NCOR2: variants seen among roughly 807,000 people sequenced by gnomAD.
NCOR2 encodes nuclear receptor corepressor 2, also known as CTG repeat protein 26.
NCOR2 carries 81 observed loss-of-function variants against 262.9 expected under a neutral mutation model. The observed-to-expected ratio is 0.31, with a 90% CI of 0.26 to 0.37. The LOEUF (loss-of-function observed/expected upper bound fraction) is 0.37. Among genes scored for constraint, NCOR2 ranks in the 10% least tolerant of loss-of-function variants. The pLI is 1.00. For synonymous variants in NCOR2, 1,659 were observed against 1,559.3 expected (o/e 1.06, Z -1.51); for missense variants, 3,385 against 3,621.4 (o/e 0.93, Z 1.68).
At chr12:124,429,702 C>A (rs1229644129) in exon 10 of NCOR2, 15 of 1,601,628 alleles carry the variant, frequency 9.4e-6, no homozygotes, top group East Asian at 4.5e-5. Flanking sequence ...CGCTGGCCCA[C>A]CCTGCTGGGG....
chr12:124,462,998 C>T (rs1469330847), intron 5 of NCOR2, among the ~76,000 whole-genome samples: 2 of 152,206 alleles, frequency 1.3e-5, no homozygotes, highest in African/African-American at 4.8e-5. Flanking sequence ...GAGCCATCTA[C>T]ATCTCTATTG....
At chr12:124,421,040 C>A (rs191310193) in intron 12 of NCOR2, among the ~76,000 whole-genome samples, 1 of 152,224 alleles carries the variant, frequency 6.6e-6, no homozygotes, top group Non-Finnish European at 1.5e-5. Context: ...TGTGGGTGCC[C>A]GACTTCTCCT....
chr12:124,402,350 C>T (rs2042030780), intron 14 of NCOR2, 54 bp downstream of exon 16: 1 of 1,605,704 alleles, frequency 6.2e-7, no homozygotes. Flanking sequence ...GAACCGTGTG[C>T]CACCCGGGTT....
intron 7 of NCOR2, among the ~76,000 whole-genome samples, chr12:124,446,798 AAAATTATTAGGAC>A (rs2045203106): frequency 6.6e-6 from 1 of 152,274 alleles, no homozygotes; most frequent in African/African-American, 2.4e-5. Context: ...CCAAAAAACT[AAAATTATTAGGAC>A]AAATCAGTTC....
At chr12:124,338,048 C>A (rs1293598930) in intron 37 of NCOR2, among the ~76,000 whole-genome samples, 1 of 152,254 alleles carries the variant, frequency 6.6e-6, no homozygotes, top group African/African-American at 2.4e-5. Flanking sequence ...CCTGCTGGGT[C>A]TGAGTCAGGG....
chr12:124,541,757 T>C (rs537433511), intron 1 of NCOR2, among the ~76,000 whole-genome samples: 1 of 8,506 alleles, frequency 1.2e-4, no homozygotes, highest in Admixed American at 1.5e-3. Context: ...GGAGTGGAGA[T>C]GGAGGGGGAT....
chr12:124,456,569 C>T (rs2045871547), intron 6 of NCOR2, among the ~76,000 whole-genome samples: 1 of 152,300 alleles, frequency 6.6e-6, no homozygotes, highest in Admixed American at 6.5e-5. Flanking sequence ...ACAAGGCAGG[C>T]GCGGCACCCG....
chr12:124,453,785 G>T (rs986764996), intron 6 of NCOR2, among the ~76,000 whole-genome samples: 1 of 152,248 alleles, frequency 6.6e-6, no homozygotes, highest in East Asian at 1.9e-4. Flanking sequence ...CACTGCGCCC[G>T]CTCCCAGCCT....
At chr12:124,416,846 CCAGGGAGACCCCGTGGCA>C (rs1010385172) in intron 13 of NCOR2, among the ~76,000 whole-genome samples, 1 of 123,950 alleles carries the variant, frequency 8.1e-6, no homozygotes, top group Non-Finnish European at 1.8e-5. Context: ...ACCCCGTGGC[CCAGGGAGACCCCGTGGCA>C]CAGATAGACC....
intron 2 of NCOR2, among the ~76,000 whole-genome samples, chr12:124,484,121 C>G (rs2047651572): frequency 6.6e-6 from 1 of 152,216 alleles, no homozygotes; most frequent in Non-Finnish European, 1.5e-5. Flanking sequence ...CATCTGAGGC[C>G]TACTGAGTCA....
chr12:124,491,653 G>T (rs1377207796), intron 1 of NCOR2, among the ~76,000 whole-genome samples: 2 of 152,218 alleles, frequency 1.3e-5, no homozygotes, highest in African/African-American at 4.8e-5. Flanking sequence ...AGGAGCTCAG[G>T]AGTGTTCAGG....
chr12:124,335,640 A>AT lies in NCOR2; in HGVS notation c.6116-9_6116-8insA, dbSNP rs1473577694. The AT allele has an allele frequency of 1.3e-6, 2 of 1,593,160 alleles. No homozygotes were observed. The highest frequency in any genetic ancestry group is 2.2e-5 in the South Asian group (2 of 90,562). ...AGCTGCTGCCGTGGTAACCTAGGGCAGGCGGGGGGTGCAGAGTCAGGCACC... is the reference window on the plus strand; with the variant it reads ...AGCTGCTGCCGTGGTAACCTAGGGCATGGCGGGGGGTGCAGAGTCAGGCACC... On this transcript the variant is annotated splice_polypyrimidine_tract_variant and intron_variant, in intron 38 of 46. Transcript: ENST00000405201.
chr12:124,566,116 C>T lies in NCOR2; in HGVS notation c.-165+1192G>A, dbSNP rs1284239654. Among the ~76,000 whole-genome samples the T allele has an allele frequency of 2.0e-5, 3 of 151,506 alleles. No homozygotes were observed. Among genetic ancestry groups the T allele is most frequent in the Non-Finnish European group, 4.4e-5 (3 of 67,894 alleles). On this transcript the variant is annotated intron_variant, in intron 1 of 32. Coordinates refer to the NCOR2 transcript ENST00000458234. This position sits in a 1 kb window ranked among gnomAD's most constrained non-coding sequence, Gnocchi z 4.3. ...CCCGCCCACAGGGTCCTCCCCTTAT[C>T]CCCTCCTCCCCTCTTCCCTCCCTCA...
At position 124,344,883 on chromosome 12, in the gene NCOR2, G is replaced by A. The variant is rs1461783117; in HGVS notation, c.4428C>T (p.Leu1476=). 10 of 1,582,586 alleles carry A rather than the reference G, an allele frequency of 6.3e-6. No individual in the cohort carries two copies. The African/African-American group carries it at 1.3e-4, about 21-fold the overall frequency. Reference sequence around the variant, plus strand: ...GGAACGTCCGGCCGGGGCTGCCGATGAGGGAGCGTACGTCGTGCTTTTTGG... The same window carrying A: ...GGAACGTCCGGCCGGGGCTGCCGATAAGGGAGCGTACGTCGTGCTTTTTGG... The change falls in exon 32 of 47, where the codon CTC becomes CTT. Residue 1476 remains leucine (L), a synonymous_variant. Coordinates refer to ENST00000405201, the Ensembl canonical transcript of NCOR2.
At chr12:124,490,262 A>C (rs1377853333) in intron 1 of NCOR2, among the ~76,000 whole-genome samples, 1 of 152,112 alleles carries the variant, frequency 6.6e-6, no homozygotes, top group Non-Finnish European at 1.5e-5. Flanking sequence ...CCCCAACCTC[A>C]GCCCTTCCCC....
rs1182814788 is a variant in NCOR2 at position 124,566,736 on chromosome 12, C to A, written c.-165+572G>T. 1.3e-5 allele frequency among the ~76,000 whole-genome samples: 2 copies of A among 152,274 alleles called. No individual in the cohort carries two copies. Among genetic ancestry groups the A allele is most frequent in the African/African-American group, 4.8e-5 (2 of 41,568 alleles). ...AACACCGGCCCGCGGGGGAGGGGGA[C>A]CAGGGGCGACTCTCCCGAGGGACCC... is the stretch of plus-strand genomic sequence containing the variant. On this transcript the variant is annotated intron_variant, in intron 1 of 32. Coordinates refer to the NCOR2 transcript ENST00000458234. This position sits in a 1 kb window ranked among gnomAD's most constrained non-coding sequence, Gnocchi z 4.3.
chr12:124,552,280 C>A (rs1436516547), intron 1 of NCOR2, among the ~76,000 whole-genome samples: 1 of 151,882 alleles, frequency 6.6e-6, no homozygotes, highest in East Asian at 1.9e-4. Context: ...GCGAATGGAG[C>A]TGGACTCCAG....
At chr12:124,342,185 A>C in intron 33 of NCOR2, 111 bp from the exon 36 acceptor site, 2 of 1,313,956 alleles carry the variant, frequency 1.5e-6, no homozygotes, top group Non-Finnish European at 2.0e-6. Context: ...TCTCCCACCT[A>C]CATGTGTGGC....
intron 7 of NCOR2, among the ~76,000 whole-genome samples, chr12:124,438,662 G>A (rs1037661034): frequency 2.4e-5 from 3 of 123,946 alleles, no homozygotes; most frequent in African/African-American, 5.2e-5. Context: ...CCTGGGAGAC[G>A]GGAGTTTCAG....
Sources: gnomAD v4.1 joint callset for allele counts (sites outside exome capture counted in the v4.1 genomes callset) on GRCh38, gnomAD v4.1.1 for gene constraint, Gnocchi (gnomAD v3.1) non-coding constraint, MANE v1.5 for transcripts, NCBI Gene and HGNC (gene_info 2026-07-23, HGNC 2026-07-21) for gene names.